TAB2: variants seen among roughly 807,000 people sequenced by gnomAD.
TAB2 encodes the protein TGF-beta-activated kinase 1 and MAP3K7-binding protein 2.
TAB2 carries 3 observed loss-of-function variants against 65.0 expected under a neutral mutation model. The ratio of observed to expected loss-of-function variants is 0.05; its 90% CI spans 0.02 to 0.12. The LOEUF is 0.12. Among genes scored for constraint, TAB2 ranks in the 10% least tolerant of loss-of-function variants. TAB2 has a pLI of 1.00. For synonymous variants in TAB2, 298 were observed against 285.1 expected, an observed-to-expected ratio of 1.05 and a Z score of -0.46; for missense variants, 623 against 840.3, an observed-to-expected ratio of 0.74 and a Z score of 3.20.
chr6:149,355,860 C>T (rs116264488), intron 1 of TAB2, among the ~76,000 whole-genome samples: 4 of 152,152 alleles, frequency 2.6e-5, no homozygotes, highest in Admixed American at 1.3e-4. Context: ...ATTGCATCTG[C>T]TGCTGCTACC....
At chr6:149,268,229 C>A (rs1778298748) in intron 1 of TAB2, among the ~76,000 whole-genome samples, 1 of 152,196 alleles carries the variant, frequency 6.6e-6, no homozygotes. Context: ...CTCGGTTGTT[C>A]TGCTAGTCTT....
At chr6:149,237,837 T>C (rs1777529021) in intron 1 of TAB2, among the ~76,000 whole-genome samples, 1 of 152,172 alleles carries the variant, frequency 6.6e-6, no homozygotes, top group East Asian at 1.9e-4. Flanking sequence ...CTGGTCCTTC[T>C]GCCCCAAGCA....
chr6:149,361,424 G>A (rs1202221544), intron 1 of TAB2, among the ~76,000 whole-genome samples: 2 of 152,322 alleles, frequency 1.3e-5, no homozygotes, highest in Admixed American at 1.3e-4. Flanking sequence ...GGCCCTTTGA[G>A]CCATAGCTGG....
chr6:149,343,877 T>C (rs918421885), intron 1 of TAB2, among the ~76,000 whole-genome samples: 6 of 152,334 alleles, frequency 3.9e-5, no homozygotes, highest in Non-Finnish European at 8.8e-5. Context: ...GGGTAGATAA[T>C]CATACATGTC....
intron 1 of TAB2, among the ~76,000 whole-genome samples, chr6:149,253,705 CAA>C (rs1438284860): frequency 1.3e-5 from 2 of 150,730 alleles, no homozygotes; most frequent in Non-Finnish European, 2.9e-5. Context: ...GGGCGGATCG[CAA>C]AGTCAAGAGA....
At chr6:149,230,825 T>C (rs770576579) in intron 1 of TAB2, among the ~76,000 whole-genome samples, 3 of 152,228 alleles carry the variant, frequency 2.0e-5, no homozygotes, top group African/African-American at 4.8e-5. Flanking sequence ...CACACTGACA[T>C]TCACAGCAAA....
At position 149,330,966 on chromosome 6, in the gene TAB2, G is replaced by GT. The variant is rs199838794; in HGVS notation, c.-90+12953dup. ...GATCTATTTCTGGATTCTCTGTTCT[G>GT]TTCCATTGATCTTTGTGCCTGTCCC... On this transcript the variant is annotated intron_variant, in intron 1 of 6. Coordinates refer to ENST00000637181, the MANE Select transcript of TAB2 (RefSeq NM_001292034.3). Among the ~76,000 whole-genome samples, 6 of 152,208 alleles carry GT rather than the reference G, an allele frequency of 3.9e-5. No individual in the cohort carries two copies. The East Asian group carries it at 1.2e-3, about 29-fold the overall frequency.
intron 1 of TAB2, among the ~76,000 whole-genome samples, chr6:149,312,182 G>A (rs1779176521): frequency 6.6e-6 from 1 of 152,100 alleles, no homozygotes; most frequent in African/African-American, 2.4e-5. Context: ...ACAACTTCGG[G>A]TGCTTCTCCC....
chr6:149,384,908 A>T (rs1347924308), intron 3 of TAB2, among the ~76,000 whole-genome samples: 1 of 151,998 alleles, frequency 6.6e-6, no homozygotes, highest in African/African-American at 2.4e-5. Flanking sequence ...TTTCCACACA[A>T]CTCCATCTGT....
At chr6:149,237,198 G>C (rs1032806896) in intron 1 of TAB2, among the ~76,000 whole-genome samples, 2 of 152,160 alleles carry the variant, frequency 1.3e-5, no homozygotes, top group Non-Finnish European at 2.9e-5. Context: ...AAAAACCATG[G>C]ATAATACATG....
intron 1 of TAB2, among the ~76,000 whole-genome samples, chr6:149,339,642 A>C (rs1189128560): frequency 1.4e-5 from 2 of 141,814 alleles, no homozygotes; most frequent in African/African-American, 5.3e-5. Context: ...TCTGTTGCCC[A>C]GGCCAGAGTG....
At chr6:149,294,963 C>T (rs1007135363) in intron 1 of TAB2, among the ~76,000 whole-genome samples, 5 of 152,130 alleles carry the variant, frequency 3.3e-5, no homozygotes, top group African/African-American at 1.2e-4. Context: ...ATATAACACA[C>T]AGGTAAAGAA....
At chr6:149,240,432 G>A (rs1777576412) in intron 1 of TAB2, among the ~76,000 whole-genome samples, 1 of 152,202 alleles carries the variant, frequency 6.6e-6, no homozygotes, top group Admixed American at 6.5e-5. Context: ...GCCCCTCTCT[G>A]CTGCAAACCC....
chr6:149,355,293 T>C (rs1583116786), intron 1 of TAB2, among the ~76,000 whole-genome samples: 2 of 152,184 alleles, frequency 1.3e-5, no homozygotes, highest in African/African-American at 2.4e-5. Flanking sequence ...AGTCAAGTAT[T>C]AATAAATTAC....
intron 1 of TAB2, among the ~76,000 whole-genome samples, chr6:149,226,975 T>C (rs1053554194): frequency 6.6e-6 from 1 of 152,230 alleles, no homozygotes; most frequent in African/African-American, 2.4e-5. Flanking sequence ...AAAAGGGTTA[T>C]TTGGTTCTCT....
At chr6:149,262,924 C>T (rs1778185320) in intron 1 of TAB2, among the ~76,000 whole-genome samples, 1 of 152,096 alleles carries the variant, frequency 6.6e-6, no homozygotes, top group South Asian at 2.1e-4. Flanking sequence ...CCACCTCAGC[C>T]TCTCAAATAG....
chr6:149,407,869 C>T (rs1232556214), intron 6 of TAB2, among the ~76,000 whole-genome samples: 1 of 151,538 alleles, frequency 6.6e-6, no homozygotes, highest in Non-Finnish European at 1.5e-5. Context: ...TTATAGATCC[C>T]TTATTGATTG....
intron 3 of TAB2, among the ~76,000 whole-genome samples, chr6:149,384,476 G>A (rs1255474161): frequency 6.6e-6 from 1 of 152,146 alleles, no homozygotes; most frequent in Non-Finnish European, 1.5e-5. Context: ...AATTAAACTT[G>A]ATTCCTTAAG....
intron 1 of TAB2, among the ~76,000 whole-genome samples, chr6:149,288,252 A>T (rs1406354307): frequency 1.3e-5 from 2 of 152,204 alleles, no homozygotes; most frequent in African/African-American, 4.8e-5. Context: ...TGCTTAGTAG[A>T]GTAGATGTTA....
Sources: allele counts gnomAD v4.1 joint callset (sites outside exome capture counted in the v4.1 genomes callset), GRCh38; gene constraint gnomAD v4.1.1; transcripts MANE v1.5; gene names NCBI Gene and HGNC (gene_info 2026-07-23, HGNC 2026-07-21).